LRP1B: variants seen among roughly 807,000 people sequenced by gnomAD.
LRP1B encodes the protein LDL receptor related protein 1B.
Under a neutral mutation model 556.6 loss-of-function variants are expected in LRP1B, and 217 were observed. The ratio of observed to expected loss-of-function variants is 0.39; its 90% CI spans 0.35 to 0.44. LRP1B has a LOEUF of 0.44. Among genes scored for constraint, LRP1B ranks in the 20% least tolerant of loss-of-function variants. LRP1B has a pLI of 1.00. For missense variants in LRP1B, 5,053 were observed against 5,620.8 expected, an observed-to-expected ratio of 0.90 and a Z score of 3.23; for synonymous variants, 2,047 against 1,865.8, an observed-to-expected ratio of 1.10 and a Z score of -2.50.
intron 11 of LRP1B, among the ~76,000 whole-genome samples, chr2:141,043,261 AAAAAG>A (rs1698761615): frequency 6.6e-6 from 1 of 150,390 alleles, no homozygotes; most frequent in African/African-American, 2.4e-5. Context: ...TAAATAAAAT[AAAAAG>A]AAAAAGAAAA....
chr2:141,693,739 A>C (rs185715981), intron 2 of LRP1B, among the ~76,000 whole-genome samples: 1 of 152,092 alleles, frequency 6.6e-6, no homozygotes, highest in African/African-American at 2.4e-5. Flanking sequence ...TAAATAACTC[A>C]TGTCTAAGGG....
chr2:141,646,284 T>C (rs113873694), intron 2 of LRP1B, among the ~76,000 whole-genome samples: 13 of 152,278 alleles, frequency 8.5e-5, no homozygotes, highest in Non-Finnish European at 1.3e-4. Flanking sequence ...CAAATGTATA[T>C]AGTGTAGAGA....
chr2:140,600,142 CTCA>C (rs1242940222), intron 42 of LRP1B, among the ~76,000 whole-genome samples: 2 of 152,058 alleles, frequency 1.3e-5, no homozygotes, highest in Admixed American at 6.6e-5. Flanking sequence ...CTAATTAAAA[CTCA>C]TCATATATAA....
Position 141,076,420 on chromosome 2 carries a change from C to A in LRP1B, c.1014-14147G>T, listed in dbSNP as rs528575368. 1.1e-3 allele frequency among the ~76,000 whole-genome samples: 170 copies of A among 152,248 alleles called. 1 individual carries two copies. The highest frequency in any genetic ancestry group is 3.1e-3 in the African/African-American group (129 of 41,548). ...GATTAATACTTGAAAAGGTAAATGTCCATGCTCTAAAATAGTGATTCTTAA... is the reference window on the plus strand; with the variant it reads ...GATTAATACTTGAAAAGGTAAATGTACATGCTCTAAAATAGTGATTCTTAA... On this transcript the variant is annotated intron_variant, in intron 7 of 90. Coordinates refer to ENST00000389484, the MANE Select transcript of LRP1B (RefSeq NM_018557.3).
chr2:142,024,458 C>T (rs1213756330), intron 1 of LRP1B, among the ~76,000 whole-genome samples: 1 of 152,076 alleles, frequency 6.6e-6, no homozygotes, highest in African/African-American at 2.4e-5. Context: ...GGTTCCTATC[C>T]TTTCCCAGGT....
At chr2:140,663,956 T>C (rs1329660114) in intron 41 of LRP1B, among the ~76,000 whole-genome samples, 3 of 152,136 alleles carry the variant, frequency 2.0e-5, no homozygotes, top group Non-Finnish European at 4.4e-5. Flanking sequence ...AATTTCAATA[T>C]TGTTGTGCCT....
At chr2:141,239,753 T>A (rs547731989) in intron 5 of LRP1B, among the ~76,000 whole-genome samples, 1 of 152,086 alleles carries the variant, frequency 6.6e-6, no homozygotes, top group Admixed American at 6.6e-5. Context: ...CAAGGAAATA[T>A]GAAATAAGAT....
At chr2:141,376,377 T>C (rs1286611358) in intron 3 of LRP1B, among the ~76,000 whole-genome samples, 1 of 152,228 alleles carries the variant, frequency 6.6e-6, no homozygotes, top group African/African-American at 2.4e-5. Context: ...GAGGATCGCC[T>C]GACTGTCAGC....
At chr2:141,920,604 T>C (rs1700160755) in intron 1 of LRP1B, among the ~76,000 whole-genome samples, 1 of 152,054 alleles carries the variant, frequency 6.6e-6, no homozygotes, top group East Asian at 1.9e-4. Flanking sequence ...TGAACAAAGT[T>C]GAAGTTTTAC....
At chr2:141,710,156 T>C (rs903566220) in intron 2 of LRP1B, among the ~76,000 whole-genome samples, 1 of 152,164 alleles carries the variant, frequency 6.6e-6, no homozygotes, top group Non-Finnish European at 1.5e-5. Flanking sequence ...GCAACCAGCA[T>C]TGCCTTTGTA....
At chr2:140,993,045 G>C (rs1360198636) in intron 16 of LRP1B, among the ~76,000 whole-genome samples, 1 of 151,904 alleles carries the variant, frequency 6.6e-6, no homozygotes, top group African/African-American at 2.4e-5. Flanking sequence ...ATCGATGTTT[G>C]AATAAAATGG....
chr2:140,537,348 A>C (rs1679953346), intron 45 of LRP1B, among the ~76,000 whole-genome samples: 1 of 151,706 alleles, frequency 6.6e-6, no homozygotes. Context: ...ACTATTTTTC[A>C]GTGCATAGAG....
chr2:140,266,955 G>A (rs1172631250), intron 86 of LRP1B, among the ~76,000 whole-genome samples: 4 of 152,080 alleles, frequency 2.6e-5, no homozygotes, highest in African/African-American at 9.7e-5. Flanking sequence ...GCAATGCAGT[G>A]TAAGAGTTAT....
chr2:141,738,334 C>A (rs1254690187), intron 2 of LRP1B, among the ~76,000 whole-genome samples: 1 of 152,124 alleles, frequency 6.6e-6, no homozygotes, highest in Non-Finnish European at 1.5e-5. Flanking sequence ...CTGTAATCAT[C>A]AGGTAACATC....
In LRP1B at chr2:142,015,765, G is replaced by A. The variant is rs1258743111; in HGVS notation, c.82+114883C>T. 3.3e-5 allele frequency among the ~76,000 whole-genome samples: 5 copies of A among 151,902 alleles called. No homozygotes were observed. The South Asian group carries it at 6.2e-4, about 19-fold the overall frequency. ...TCCCAGCACTTTGGGAGGCCGAGGCGGGCGGATCACGAGGTCAGGCGATCG... is the reference window on the plus strand; with the variant it reads ...TCCCAGCACTTTGGGAGGCCGAGGCAGGCGGATCACGAGGTCAGGCGATCG... On this transcript the variant is annotated intron_variant, in intron 1 of 90. Transcript: ENST00000389484.
At chr2:141,146,734 G>A (rs899652501) in intron 7 of LRP1B, among the ~76,000 whole-genome samples, 2 of 152,108 alleles carry the variant, frequency 1.3e-5, no homozygotes, top group African/African-American at 2.4e-5. Flanking sequence ...TGATATTAAC[G>A]CATAGAAGAT....
intron 1 of LRP1B, among the ~76,000 whole-genome samples, chr2:142,010,498 T>C (rs1246294575): frequency 9.2e-5 from 12 of 130,788 alleles, no homozygotes; most frequent in Non-Finnish European, 1.5e-5. Context: ...GAGCTTGCAG[T>C]GAGCCGAGAT....
intron 1 of LRP1B, among the ~76,000 whole-genome samples, chr2:142,083,312 C>A (rs1382726845): frequency 1.3e-5 from 2 of 152,216 alleles, no homozygotes; most frequent in Non-Finnish European, 2.9e-5. Flanking sequence ...TCCTCATATC[C>A]AGCTTTCCTG....
chr2:141,605,519 T>C (rs1194992201), intron 2 of LRP1B, among the ~76,000 whole-genome samples: 1 of 152,120 alleles, frequency 6.6e-6, no homozygotes. Flanking sequence ...TATAGCTAAG[T>C]CAGGTAAAAT....
Sources: gnomAD v4.1 joint callset for allele counts (sites outside exome capture counted in the v4.1 genomes callset) on GRCh38, gnomAD v4.1.1 for gene constraint, MANE v1.5 for transcripts, NCBI Gene and HGNC (gene_info 2026-07-23, HGNC 2026-07-21) for gene names.